The following CATSPERE variants were observed in gnomAD, a reference collection of about 807,000 sequenced individuals.
CATSPERE encodes catsper channel auxiliary subunit epsilon.
In CATSPERE, 93 loss-of-function variants were observed where a neutral mutation model predicts 114.1. The ratio of observed to expected loss-of-function variants is 0.81; its 90% CI spans 0.69 to 0.97. The LOEUF is 0.97. Among genes scored for constraint, CATSPERE ranks in the 50% least tolerant of loss-of-function variants. CATSPERE has a pLI of 0.00. For synonymous variants in CATSPERE, 341 were observed against 384.1 expected (o/e 0.89, Z 1.31); for missense variants, 1,058 against 1,131.6 (o/e 0.93, Z 0.93).
At chr1:244,459,667 CTA>C (rs1231162442), upstream of CATSPERE, among the ~76,000 whole-genome samples, 2 of 152,282 alleles carry the variant, frequency 1.3e-5, no homozygotes, top group East Asian at 3.9e-4. Context: ...AGACTACACA[CTA>C]AATTATTTGT....
At chr1:244,456,691 C>A (rs1666192739), upstream of CATSPERE, among the ~76,000 whole-genome samples, 1 of 151,994 alleles carries the variant, frequency 6.6e-6, no homozygotes, top group Admixed American at 6.6e-5. Flanking sequence ...TTTGATTTAC[C>A]TACTTTGGAG....
intron 8 of CATSPERE, among the ~76,000 whole-genome samples, chr1:244,537,654 A>G (rs1474523738): frequency 6.6e-6 from 1 of 152,220 alleles, no homozygotes; most frequent in Non-Finnish European, 1.5e-5. Context: ...AGTTTATTTA[A>G]TAGATACAGC....
At chr1:244,595,511 C>A (rs371354870) in intron 17 of CATSPERE, among the ~76,000 whole-genome samples, 1 of 152,066 alleles carries the variant, frequency 6.6e-6, no homozygotes, top group Non-Finnish European at 1.5e-5. Flanking sequence ...ATAGTTCAAA[C>A]GGTGTGATAT....
chr1:244,594,156 C>T (rs969836242), intron 17 of CATSPERE, among the ~76,000 whole-genome samples: 1 of 151,962 alleles, frequency 6.6e-6, no homozygotes, highest in Non-Finnish European at 1.5e-5. Context: ...CCTGTCGTTA[C>T]AAAAATTAAA....
intron 18 of CATSPERE, among the ~76,000 whole-genome samples, chr1:244,608,628 A>C (rs2148685228): frequency 6.6e-6 from 1 of 151,146 alleles, no homozygotes; most frequent in Admixed American, 6.6e-5. Flanking sequence ...TATTCACACT[A>C]CTCCAGTCTC....
chr1:244,585,339 G>A (rs532187776), intron 13 of CATSPERE, among the ~76,000 whole-genome samples: 30 of 152,262 alleles, frequency 2.0e-4, no homozygotes, highest in African/African-American at 7.0e-4. Flanking sequence ...TCTTCCTTCT[G>A]TTTCCTCTTT....
intron 6 of CATSPERE, among the ~76,000 whole-genome samples, chr1:244,491,997 C>T (rs940087637): frequency 1.3e-5 from 2 of 152,184 alleles, no homozygotes; most frequent in Non-Finnish European, 2.9e-5. Context: ...GGATTCACAG[C>T]CCAATTCTAC....
chr1:244,573,223 AAC>A lies in CATSPERE; in HGVS notation c.1950+455_1950+456del, dbSNP rs1664727104. On this transcript the variant is annotated intron_variant, in intron 11 of 21. Coordinates refer to ENST00000366534, the MANE Select transcript of CATSPERE (RefSeq NM_001130957.2). This position sits in a 1 kb window ranked among gnomAD's most constrained non-coding sequence, Gnocchi z 4.0. ...TCAGGAGATCGAGACCATCCTGGCT[AAC>A]ACAGTGAAACCCCGTCTCTACTAAA... 6.6e-6 allele frequency among the ~76,000 whole-genome samples: 1 copy of A among 152,088 alleles called. No individual in the cohort carries two copies. The highest frequency in any genetic ancestry group is 1.5e-5 in the Non-Finnish European group (1 of 68,018).
chr1:244,503,227 T>G (rs2148294686), intron 7 of CATSPERE, among the ~76,000 whole-genome samples: 1 of 152,320 alleles, frequency 6.6e-6, no homozygotes, highest in South Asian at 2.1e-4. Flanking sequence ...CTTTGTCTTT[T>G]GTTTTCTGCA....
In CATSPERE at chr1:244,504,656, A is replaced by T. The variant is rs80017960; in HGVS notation, c.429+5577A>T. ...CAGATATTTTGTAAAATGTCAGTCC[A>T]TTGGGATTCATCTGAGATTTTTCTC... On this transcript the variant is annotated intron_variant, in intron 7 of 21. Coordinates refer to ENST00000366534, the MANE Select transcript of CATSPERE (RefSeq NM_001130957.2). This position sits in a 1 kb window ranked among gnomAD's most constrained non-coding sequence, Gnocchi z 4.1. Among the ~76,000 whole-genome samples the T allele has an allele frequency of 5.3e-5, 8 of 152,358 alleles. No individual in the cohort carries two copies. In the East Asian group the frequency reaches 1.5e-3, roughly 29 times the overall value.
intron 8 of CATSPERE, among the ~76,000 whole-genome samples, chr1:244,523,000 T>G (rs563143238): frequency 6.6e-5 from 10 of 151,134 alleles, no homozygotes; most frequent in African/African-American, 2.5e-4. Flanking sequence ...CCAGCATCAT[T>G]CTGATACCAA....
chr1:244,609,285 A>C (rs925842417), intron 18 of CATSPERE, among the ~76,000 whole-genome samples: 14 of 152,184 alleles, frequency 9.2e-5, no homozygotes, highest in Admixed American at 5.9e-4. Flanking sequence ...GGCAAACATT[A>C]TATTTAATGG....
At position 244,477,610 on chromosome 1, in the gene CATSPERE, A is replaced by T. The variant is rs1318622817; in HGVS notation, c.184A>T (p.Lys62Ter). 2.5e-6 allele frequency: 4 copies of T among 1,573,436 alleles called. No individual in the cohort carries two copies. Among genetic ancestry groups the T allele is most frequent in the Non-Finnish European group, 3.5e-6 (4 of 1,144,042 alleles). The change falls in exon 3 of 22, where the codon AAA becomes TAA. Residue 62 changes from lysine (K) to a stop codon, truncating the protein, a stop_gained. Transcript: ENST00000366534. LOFTEE classifies it high-confidence loss of function. ...GCCAGAAACTTGTTTTGTGCTAAATAAAAGGTAAGATTTATGCCATGAATA... is the reference window on the plus strand; with the variant it reads ...GCCAGAAACTTGTTTTGTGCTAAATTAAAGGTAAGATTTATGCCATGAATA... ...SVPETCFVLN[K>*]SSPTTELRCS...
chr1:244,620,433 A>T (rs1240006637), intron 20 of CATSPERE, among the ~76,000 whole-genome samples: 1 of 152,200 alleles, frequency 6.6e-6, no homozygotes, highest in Non-Finnish European at 1.5e-5. Context: ...ATAGAAGCAC[A>T]TTGAGTGGGT....
chr1:244,639,980 T>C lies in CATSPERE; in HGVS notation c.2755T>C (p.Phe919Leu). ...SFLFVLMLLF[F>L]TILVLSYFRY... The stretch of plus-strand genomic sequence containing the variant: ...CCTCTTCGTCCTGATGCTGCTCTTC[T>C]TCACTATTCTTGTTTTGAGCTACTT... Residue 919 changes from phenylalanine (F) to leucine (L), a missense_variant, in exon 22 of 22, where the codon TTC (phenylalanine) becomes CTC (leucine). By Grantham distance (22) the Phe-to-Leu change is conservative (BLOSUM62 0). Around this residue, in one of 2 missense-constraint regions of CATSPERE, gnomAD observed 787 missense variants for 905.6 expected, o/e 0.87. Transcript: ENST00000366534. 3.2e-6 allele frequency: 5 copies of C among 1,551,362 alleles called. No homozygotes were observed. Among genetic ancestry groups the C allele is most frequent in the South Asian group, 1.2e-5 (1 of 84,050 alleles).
intron 12 of CATSPERE, among the ~76,000 whole-genome samples, chr1:244,582,411 T>TC (rs1043162323): frequency 1.3e-5 from 2 of 150,866 alleles, no homozygotes; most frequent in Non-Finnish European, 3.0e-5. Flanking sequence ...CTTTTTCTTT[T>TC]TTTTTTTTTA....
intron 9 of CATSPERE, among the ~76,000 whole-genome samples, chr1:244,555,183 G>A (rs3005995): frequency 0.86 from 130,695 of 152,016 alleles, 57,476 homozygotes; most frequent in East Asian, 1. Context: ...TCAGGAGTTC[G>A]AGACCAGCCT....
At chr1:244,470,647 A>T (rs184444947) in intron 2 of CATSPERE, among the ~76,000 whole-genome samples, 1 of 152,190 alleles carries the variant, frequency 6.6e-6, no homozygotes, top group Non-Finnish European at 1.5e-5. Context: ...TGTTCTGAAG[A>T]TTGCACTTCC....
chr1:244,628,864 C>T (rs973837091), intron 20 of CATSPERE, among the ~76,000 whole-genome samples: 1 of 152,126 alleles, frequency 6.6e-6, no homozygotes, highest in Non-Finnish European at 1.5e-5. Context: ...CAAATGGGAG[C>T]TGAGTCAGCT....
Sources: allele counts gnomAD v4.1 joint callset (sites outside exome capture counted in the v4.1 genomes callset), GRCh38; gene constraint gnomAD v4.1.1; regional missense constraint gnomAD v4.1.1; non-coding constraint Gnocchi (gnomAD v3.1); transcripts MANE v1.5; gene names NCBI Gene and HGNC (gene_info 2026-07-23, HGNC 2026-07-21).